The following CSMD3 variants were observed in gnomAD, a reference collection of about 807,000 sequenced individuals.
CSMD3 encodes CUB and Sushi multiple domains 3.
CSMD3 carries 177 observed loss-of-function variants against 435.2 expected under a neutral mutation model. That is an observed-to-expected ratio of 0.41 (90% CI 0.36 to 0.46). The LOEUF (loss-of-function observed/expected upper bound fraction) is 0.46. CSMD3 is among the 20% of genes least tolerant of loss of function. CSMD3 has a pLI of 0.34. For synonymous variants in CSMD3, 1,656 were observed against 1,520.5 expected (o/e 1.09, Z -2.07); for missense variants, 4,265 against 4,504.6 (o/e 0.95, Z 1.52).
At chr8:113,396,234 G>A (rs937167454) in intron 1 of CSMD3, among the ~76,000 whole-genome samples, 4 of 152,118 alleles carry the variant, frequency 2.6e-5, no homozygotes, top group Non-Finnish European at 5.9e-5. Flanking sequence ...ATAATATTAT[G>A]AAGTTCTTAG....
intron 63 of CSMD3, among the ~76,000 whole-genome samples, chr8:112,252,000 A>G (rs116885297): frequency 2.2e-3 from 334 of 152,018 alleles, no homozygotes; most frequent in Non-Finnish European, 3.8e-3. Context: ...TGAGTAATAT[A>G]TTTTGTATGT....
At chr8:113,163,946 G>A (rs2092098301) in intron 4 of CSMD3, among the ~76,000 whole-genome samples, 1 of 151,952 alleles carries the variant, frequency 6.6e-6, no homozygotes, top group Non-Finnish European at 1.5e-5. Context: ...AGATAATGTA[G>A]CTCCTTAAAT....
At chr8:113,113,149 C>T (rs1223980198) in intron 4 of CSMD3, among the ~76,000 whole-genome samples, 1 of 152,144 alleles carries the variant, frequency 6.6e-6, no homozygotes, top group African/African-American at 2.4e-5. Flanking sequence ...GTGGAGAAAC[C>T]TCAGACTTTG....
rs1587956818 is a variant in CSMD3, at chr8:113,045,124, A to C, written c.918-25945T>G. ...TATTATTCCTTAAGGGTAGAGAAAA[A>C]AAGTCCAGTATCCATACACTCTTTA... On this transcript the variant is annotated intron_variant, in intron 5 of 70. Transcript: ENST00000297405. Among the ~76,000 whole-genome samples the C allele has an allele frequency of 4.0e-5, 6 of 149,246 alleles. No individual in the cohort carries two copies. The South Asian group carries it at 1.3e-3, about 32-fold the overall frequency.
intron 10 of CSMD3, among the ~76,000 whole-genome samples, chr8:112,872,285 C>T (rs1346554528): frequency 6.6e-6 from 1 of 151,974 alleles, no homozygotes; most frequent in Non-Finnish European, 1.5e-5. Context: ...TAGGACTAAT[C>T]TTCAAATACA....
chr8:113,374,465 A>C (rs1343068383), intron 1 of CSMD3, among the ~76,000 whole-genome samples: 3 of 152,100 alleles, frequency 2.0e-5, no homozygotes, highest in Non-Finnish European at 4.4e-5. Flanking sequence ...GCTAGGAAAT[A>C]CTGAAAAATA....
At chr8:112,603,097 C>T (rs529613313) in intron 22 of CSMD3, among the ~76,000 whole-genome samples, 27 of 152,282 alleles carry the variant, frequency 1.8e-4, no homozygotes, top group African/African-American at 6.0e-4. Context: ...AGGCTGGTCT[C>T]GAACTCCTGG....
rs760926841 is a variant in CSMD3, at chr8:112,314,062, G to C, written c.7550-10C>G. 1 of 1,594,738 alleles carries C rather than the reference G, an allele frequency of 6.3e-7. No individual in the cohort carries two copies. On this transcript the variant is annotated splice_polypyrimidine_tract_variant and intron_variant, in intron 48 of 70. Coordinates refer to ENST00000297405, the MANE Select transcript of CSMD3 (RefSeq NM_198123.2). ...CTTTGAATATTTGGTCCTTTGGGAA[G>C]AAAATAAAACAATTTAGATAAAGCT...
chr8:112,389,794 A>G, intron 36 of CSMD3, among the ~76,000 whole-genome samples: 1 of 152,342 alleles, frequency 6.6e-6, no homozygotes, highest in East Asian at 1.9e-4. Context: ...TATGAAGCAT[A>G]ATTACCTTTC....
chr8:112,831,559 T>TG (rs776588825), intron 11 of CSMD3, among the ~76,000 whole-genome samples: 3 of 70,370 alleles, frequency 4.3e-5, no homozygotes, highest in African/African-American at 1.9e-4. Context: ...GTAAAAGTGT[T>TG]TTTTTTTTTT....
intron 1 of CSMD3, among the ~76,000 whole-genome samples, chr8:113,364,391 T>C (rs921216505): frequency 6.6e-6 from 1 of 151,996 alleles, no homozygotes; most frequent in African/African-American, 2.4e-5. Flanking sequence ...CTTTAAGCTA[T>C]CATCTTTAAA....
chr8:112,731,763 A>G (rs1463583890), intron 13 of CSMD3, among the ~76,000 whole-genome samples: 1 of 152,158 alleles, frequency 6.6e-6, no homozygotes, highest in African/African-American at 2.4e-5. Context: ...AATTTGCAGT[A>G]ATATGCTCAA....
intron 28 of CSMD3, among the ~76,000 whole-genome samples, chr8:112,511,791 C>T (rs1333888986): frequency 6.6e-6 from 1 of 152,152 alleles, no homozygotes; most frequent in Non-Finnish European, 1.5e-5. Flanking sequence ...AGTAGAACTT[C>T]TTGGAGACAC....
intron 2 of CSMD3, among the ~76,000 whole-genome samples, chr8:113,295,103 T>C (rs1204396887): frequency 6.6e-6 from 1 of 152,168 alleles, no homozygotes; most frequent in Non-Finnish European, 1.5e-5. Context: ...GAAACAGGCA[T>C]ATAATAAGCC....
At chr8:112,766,135 T>C (rs1388742585) in intron 13 of CSMD3, among the ~76,000 whole-genome samples, 1 of 151,678 alleles carries the variant, frequency 6.6e-6, no homozygotes, top group African/African-American at 2.4e-5. Flanking sequence ...GGAGAGGAGT[T>C]GGATACAGAT....
At chr8:112,626,546 T>A (rs1466558733) in intron 22 of CSMD3, among the ~76,000 whole-genome samples, 2 of 152,112 alleles carry the variant, frequency 1.3e-5, no homozygotes, top group Non-Finnish European at 2.9e-5. Context: ...GATTTTATTT[T>A]TAAAAAATGG....
intron 13 of CSMD3, among the ~76,000 whole-genome samples, chr8:112,731,752 C>T (rs949203974): frequency 6.6e-6 from 1 of 151,978 alleles, no homozygotes; most frequent in Admixed American, 6.6e-5. Flanking sequence ...CTTTGGTGAA[C>T]AATTTGCAGT....
intron 13 of CSMD3, among the ~76,000 whole-genome samples, chr8:112,761,630 T>C (rs924805463): frequency 1.1e-4 from 16 of 152,136 alleles, no homozygotes; most frequent in African/African-American, 3.9e-4. Flanking sequence ...CAAAAAGTTT[T>C]TTTTTAAGTC....
chr8:112,984,517 C>T (rs2085175506), intron 6 of CSMD3, among the ~76,000 whole-genome samples: 1 of 152,054 alleles, frequency 6.6e-6, no homozygotes, highest in South Asian at 2.1e-4. Flanking sequence ...TTGACTCTTT[C>T]TACTCTAGAA....
Sources: allele counts gnomAD v4.1 joint callset (sites outside exome capture counted in the v4.1 genomes callset), GRCh38; gene constraint gnomAD v4.1.1; transcripts MANE v1.5; gene names NCBI Gene and HGNC (gene_info 2026-07-23, HGNC 2026-07-21).